Variants in CSMD3 observed in about 807,000 individuals in gnomAD.
The protein encoded by CSMD3 is CUB and Sushi multiple domains 3, also known as CUB and sushi domain-containing protein 3.
CSMD3 carries 177 observed loss-of-function variants against 435.2 expected under a neutral mutation model. That is an observed-to-expected ratio of 0.41 (90% CI 0.36 to 0.46). The LOEUF is 0.46. CSMD3 is among the 20% of genes least tolerant of loss of function. The probability of loss-of-function intolerance (pLI) is 0.34; values close to 1 mark genes in which losing one functional copy is unlikely to be tolerated. For missense variants in CSMD3, 4,265 were observed against 4,504.6 expected (o/e 0.95, Z 1.52); for synonymous variants, 1,656 against 1,520.5 (o/e 1.09, Z -2.07).
intron 3 of CSMD3, among the ~76,000 whole-genome samples, chr8:113,246,871 C>T (rs1263837017): frequency 1.3e-5 from 2 of 152,098 alleles, no homozygotes; most frequent in African/African-American, 4.8e-5. Flanking sequence ...ATTTAAATTC[C>T]TTGAACCAGT....
intron 30 of CSMD3, among the ~76,000 whole-genome samples, chr8:112,500,095 C>A (rs929599192): frequency 1.3e-5 from 2 of 151,430 alleles, no homozygotes; most frequent in Admixed American, 6.6e-5. Context: ...GGCAACACAG[C>A]GATACTCTGT....
chr8:113,396,862 T>G (rs2094485832), intron 1 of CSMD3, among the ~76,000 whole-genome samples: 1 of 152,176 alleles, frequency 6.6e-6, no homozygotes, highest in African/African-American at 2.4e-5. Context: ...ATTACTTATT[T>G]ATTTTCTGCC....
intron 32 of CSMD3, among the ~76,000 whole-genome samples, chr8:112,467,392 C>T (rs531435816): frequency 6.6e-6 from 1 of 152,154 alleles, no homozygotes; most frequent in East Asian, 1.9e-4. Flanking sequence ...AAGTCACCAT[C>T]GACTATACTG....
At chr8:112,726,951 T>C (rs2076978878) in intron 13 of CSMD3, among the ~76,000 whole-genome samples, 1 of 151,844 alleles carries the variant, frequency 6.6e-6, no homozygotes, top group African/African-American at 2.4e-5. Context: ...GCTCATTTTA[T>C]TTCTCAATAT....
In CSMD3 at chr8:112,496,948, G is replaced by C. The variant is rs528188211; in HGVS notation, c.5084-4265C>G. On this transcript the variant is annotated intron_variant, in intron 30 of 70. Transcript: ENST00000297405. ...ATTGTACATTTAAAAATAACTAAAA[G>C]AGTATAGTTTGATTGTTTGTAACAC... Among the ~76,000 whole-genome samples, 4 of 152,192 alleles carry C rather than the reference G, an allele frequency of 2.6e-5. No individual in the cohort carries two copies. In the East Asian group the frequency reaches 7.7e-4, roughly 29 times the overall value.
chr8:112,605,276 T>C (rs1411976686), intron 22 of CSMD3, among the ~76,000 whole-genome samples: 1 of 152,200 alleles, frequency 6.6e-6, no homozygotes, highest in Non-Finnish European at 1.5e-5. Context: ...AGCCCATTAC[T>C]GAGTATTTAC....
chr8:112,439,417 G>A (rs1814735391), intron 32 of CSMD3, among the ~76,000 whole-genome samples: 1 of 152,088 alleles, frequency 6.6e-6, no homozygotes, highest in Admixed American at 6.6e-5. Context: ...GGGATTATAG[G>A]TGTGAGCCAC....
intron 59 of CSMD3, among the ~76,000 whole-genome samples, chr8:112,278,874 A>G (rs1236169234): frequency 6.6e-6 from 1 of 152,154 alleles, no homozygotes; most frequent in Non-Finnish European, 1.5e-5. Flanking sequence ...CCTAAACCCA[A>G]TAACAACTGC....
intron 1 of CSMD3, among the ~76,000 whole-genome samples, chr8:113,415,197 C>T (rs780150528): frequency 3.7e-4 from 56 of 152,200 alleles, no homozygotes; most frequent in Non-Finnish European, 1.5e-4. Flanking sequence ...TAAAATGTTA[C>T]CCTCAGTGTT....
intron 6 of CSMD3, among the ~76,000 whole-genome samples, chr8:113,012,009 T>G (rs74846995): frequency 0.016 from 2,459 of 151,926 alleles, 62 homozygotes; most frequent in African/African-American, 0.055. Flanking sequence ...AGTGAAAGTA[T>G]TTATTTAGCA....
intron 7 of CSMD3, among the ~76,000 whole-genome samples, chr8:112,964,287 G>A (rs535737641): frequency 5.3e-5 from 8 of 151,790 alleles, no homozygotes; most frequent in Non-Finnish European, 1.2e-4. Flanking sequence ...TCTCAAGTGC[G>A]TATCTTAGAA....
chr8:112,522,091 T>A (rs1225255744), intron 27 of CSMD3, among the ~76,000 whole-genome samples: 1 of 151,808 alleles, frequency 6.6e-6, no homozygotes, highest in Non-Finnish European at 1.5e-5. Context: ...AGTTTTTCTA[T>A]CTGGTTGTTA....
chr8:113,217,248 A>G (rs770687962), intron 3 of CSMD3, among the ~76,000 whole-genome samples: 1 of 151,898 alleles, frequency 6.6e-6, no homozygotes, highest in Non-Finnish European at 1.5e-5. Context: ...TTAAAAGACA[A>G]CATAATACAA....
Position 112,817,408 on chromosome 8 carries a change from T to G in CSMD3, c.1859+12278A>C, listed in dbSNP as rs138811668. On this transcript the variant is annotated intron_variant, in intron 12 of 70. Transcript: ENST00000297405. ...ATACATTTCCACTATCAGATGAATT[T>G]ATACGTAAGTGTAAAAATAGCACAT... is the stretch of plus-strand genomic sequence containing the variant. Among the ~76,000 whole-genome samples the G allele has an allele frequency of 3.8e-3, 565 of 150,478 alleles. 1 individual carries two copies. The highest frequency in any genetic ancestry group is 4.7e-3 in the Non-Finnish European group (320 of 67,658).
chr8:112,529,844 A>T (rs908787484), intron 27 of CSMD3, among the ~76,000 whole-genome samples: 3 of 152,316 alleles, frequency 2.0e-5, no homozygotes, highest in Non-Finnish European at 4.4e-5. Context: ...CAGCAGCCTT[A>T]ATAAAATGAA....
At chr8:112,443,811 C>A (rs1815302433) in intron 32 of CSMD3, among the ~76,000 whole-genome samples, 1 of 151,950 alleles carries the variant, frequency 6.6e-6, no homozygotes, top group South Asian at 2.1e-4. Flanking sequence ...ATAATAGTTA[C>A]AATGCTATTT....
In CSMD3 at chr8:112,799,510, T is replaced by G. The variant is rs536339081; in HGVS notation, c.1972+652A>C. On this transcript the variant is annotated intron_variant, in intron 13 of 70. Coordinates refer to ENST00000297405, the MANE Select transcript of CSMD3 (RefSeq NM_198123.2). ...TATTAGTAATTTTTTCAGTCAGAATTGCAAATTTGCATTTCTAATATGCAC... is the reference window on the plus strand; with the variant it reads ...TATTAGTAATTTTTTCAGTCAGAATGGCAAATTTGCATTTCTAATATGCAC... Among the ~76,000 whole-genome samples, 9 of 152,120 alleles carry G rather than the reference T, an allele frequency of 5.9e-5. No individual in the cohort carries two copies. In the South Asian group the frequency reaches 1.7e-3, roughly 28 times the overall value.
intron 13 of CSMD3, among the ~76,000 whole-genome samples, chr8:112,758,743 CATG>C (rs1470060353): frequency 6.6e-6 from 1 of 152,142 alleles, no homozygotes; most frequent in African/African-American, 2.4e-5. Context: ...ATTTCTACCT[CATG>C]ATAACATTTA....
chr8:113,152,458 T>C (rs2091830596), intron 4 of CSMD3, among the ~76,000 whole-genome samples: 1 of 152,042 alleles, frequency 6.6e-6, no homozygotes, highest in Non-Finnish European at 1.5e-5. Context: ...CGTGAACACC[T>C]GCATCCGTAT....
Sources: allele counts gnomAD v4.1 joint callset (sites outside exome capture counted in the v4.1 genomes callset), GRCh38; gene constraint gnomAD v4.1.1; transcripts MANE v1.5; gene names NCBI Gene and HGNC (gene_info 2026-07-23, HGNC 2026-07-21).